Variants in LRP1B observed in about 807,000 individuals in gnomAD.
LRP1B encodes low-density lipoprotein receptor-related protein 1B.
LRP1B carries 217 observed loss-of-function variants against 556.6 expected under a neutral mutation model. The ratio of observed to expected loss-of-function variants is 0.39; its 90% CI spans 0.35 to 0.44. The LOEUF is 0.44. Ranked by LOEUF, LRP1B falls within the 20% of genes least tolerant of loss-of-function variation. The pLI is 1.00. For missense variants in LRP1B, 5,053 were observed against 5,620.8 expected (o/e 0.90, Z 3.23); for synonymous variants, 2,047 against 1,865.8 (o/e 1.10, Z -2.50).
At chr2:141,692,790 A>T (rs773608987) in intron 2 of LRP1B, among the ~76,000 whole-genome samples, 1 of 152,022 alleles carries the variant, frequency 6.6e-6, no homozygotes, top group African/African-American at 2.4e-5. Flanking sequence ...AAACCTGTAC[A>T]TTATGTTACT....
chr2:140,322,503 A>G (rs1233907188), intron 81 of LRP1B, among the ~76,000 whole-genome samples: 1 of 151,950 alleles, frequency 6.6e-6, no homozygotes, highest in Non-Finnish European at 1.5e-5. Context: ...CTGTTCTAAC[A>G]GACAAAAACA....
intron 2 of LRP1B, among the ~76,000 whole-genome samples, chr2:141,681,603 T>G (rs1302472728): frequency 6.6e-6 from 1 of 152,158 alleles, no homozygotes; most frequent in East Asian, 1.9e-4. Flanking sequence ...GAAGGTAAGA[T>G]TTAGGAAATA....
intron 2 of LRP1B, among the ~76,000 whole-genome samples, chr2:141,716,170 G>A (rs1193368868): frequency 6.6e-6 from 1 of 152,140 alleles, no homozygotes; most frequent in East Asian, 1.9e-4. Context: ...AAGCCAACTA[G>A]CACTTTTTAA....
intron 33 of LRP1B, among the ~76,000 whole-genome samples, chr2:140,775,345 A>G (rs1689455470): frequency 6.6e-6 from 1 of 151,996 alleles, no homozygotes; most frequent in African/African-American, 2.4e-5. Flanking sequence ...CCTTTAGATG[A>G]AAATCCCTAT....
chr2:140,667,402 T>C (rs1685317004), intron 41 of LRP1B, among the ~76,000 whole-genome samples: 1 of 152,202 alleles, frequency 6.6e-6, no homozygotes, highest in African/African-American at 2.4e-5. Flanking sequence ...GAGCAGTTGA[T>C]ACATGAGTGC....
At chr2:140,523,771 G>A (rs186156920) in intron 49 of LRP1B, among the ~76,000 whole-genome samples, 105 of 151,892 alleles carry the variant, frequency 6.9e-4, no homozygotes, top group Middle Eastern at 3.4e-3. Flanking sequence ...CTTACCATAC[G>A]CAAAAGAACG....
At position 140,238,311 on chromosome 2, in the gene LRP1B, CATTA is replaced by C. The variant is rs1343640351; in HGVS notation, c.13416-19_13416-16del. 2.2e-6 allele frequency: 3 copies of C among 1,370,416 alleles called. No individual in the cohort carries two copies. The highest frequency in any genetic ancestry group is 2.9e-5 in the African/African-American group (2 of 68,614). The allele number at this position is 1,370,416 out of a possible 1,614,324, so 84.9% of individuals were successfully genotyped here. A position where few individuals can be genotyped will look rare whatever the true frequency, so the allele number is the denominator to read the frequency against. On this transcript the variant is annotated splice_polypyrimidine_tract_variant and intron_variant, in intron 88 of 90. Transcript: ENST00000389484. ...TTGTTTTTGTCCTAGAATATATAAA[CATTA>C]ATATGTGTGAGTTTTGTATAAATAT...
chr2:141,748,286 T>C (rs10183405), intron 2 of LRP1B, among the ~76,000 whole-genome samples: 45,091 of 151,958 alleles, frequency 0.3, 7,439 homozygotes, highest in East Asian at 0.42. Context: ...TTTGTGATGA[T>C]TAGAAATCAT....
intron 3 of LRP1B, among the ~76,000 whole-genome samples, chr2:141,464,594 A>ATTTTTTTTT (rs1559084708): frequency 8.6e-5 from 3 of 34,770 alleles, no homozygotes; most frequent in African/African-American, 1.9e-4. Context: ...GTATATATAT[A>ATTTTTTTTT]TATATATATA....
intron 27 of LRP1B, among the ~76,000 whole-genome samples, chr2:140,858,764 G>A (rs1053922150): frequency 6.6e-6 from 1 of 151,884 alleles, no homozygotes; most frequent in Admixed American, 6.6e-5. Context: ...GCCCCAGTGT[G>A]TGTTGTTCCC....
chr2:140,594,227 C>T (rs892742502), intron 43 of LRP1B, among the ~76,000 whole-genome samples: 1 of 152,158 alleles, frequency 6.6e-6, no homozygotes, highest in Non-Finnish European at 1.5e-5. Flanking sequence ...GCCTCAGCCT[C>T]CCAAAGCTCT....
At chr2:142,129,589 TCTCTCTCTC>T in intron 1 of LRP1B, among the ~76,000 whole-genome samples, 1 of 2,378 alleles carries the variant, frequency 4.2e-4, no homozygotes, top group African/African-American at 1.3e-3. Context: ...TCTCTTTCTC[TCTCTCTCTC>T]TCTCTCTCTC....
intron 71 of LRP1B, among the ~76,000 whole-genome samples, chr2:140,365,274 G>A (rs1028638541): frequency 2.6e-5 from 4 of 151,572 alleles, no homozygotes; most frequent in East Asian, 1.9e-4. Flanking sequence ...ACAAAGAAAC[G>A]ATTTTTTAAT....
chr2:141,698,760 T>C (rs894555075), intron 2 of LRP1B, among the ~76,000 whole-genome samples: 4 of 151,652 alleles, frequency 2.6e-5, no homozygotes, highest in African/African-American at 9.7e-5. Context: ...GCTTAGGGCA[T>C]TAACTTAGAG....
At chr2:141,986,401 G>T (rs763177283) in intron 1 of LRP1B, among the ~76,000 whole-genome samples, 17 of 151,850 alleles carry the variant, frequency 1.1e-4, no homozygotes, top group Non-Finnish European at 1.9e-4. Flanking sequence ...CTGTCAACTT[G>T]CCATGTATTC....
intron 60 of LRP1B, among the ~76,000 whole-genome samples, chr2:140,466,154 G>T (rs1687541543): frequency 6.9e-6 from 1 of 144,390 alleles, no homozygotes. Context: ...GGGCTACAGT[G>T]GATATCTAAA....
intron 2 of LRP1B, among the ~76,000 whole-genome samples, chr2:141,584,496 T>C (rs1687061903): frequency 6.6e-6 from 1 of 152,180 alleles, no homozygotes; most frequent in African/African-American, 2.4e-5. Flanking sequence ...ACAAGAAATA[T>C]TTCATAATTT....
chr2:142,025,685 G>C (rs528582265), intron 1 of LRP1B, among the ~76,000 whole-genome samples: 2 of 152,170 alleles, frequency 1.3e-5, no homozygotes, highest in African/African-American at 2.4e-5. Context: ...ACATTAAAAA[G>C]TCCATAAGGG....
chr2:140,285,155 ATG>A (rs1376601065), intron 84 of LRP1B, among the ~76,000 whole-genome samples: 2 of 149,376 alleles, frequency 1.3e-5, no homozygotes, highest in African/African-American at 4.9e-5. Flanking sequence ...ACATGTATAT[ATG>A]TGTGTGTAGA....
Sources: gnomAD v4.1 joint callset for allele counts (sites outside exome capture counted in the v4.1 genomes callset) on GRCh38, gnomAD v4.1.1 for gene constraint, MANE v1.5 for transcripts, NCBI Gene and HGNC (gene_info 2026-07-23, HGNC 2026-07-21) for gene names.